The following SUPT3H variants were observed in gnomAD, a reference collection of about 807,000 sequenced individuals.
The protein encoded by SUPT3H is transcription initiation protein SPT3 homolog.
In SUPT3H, 44 loss-of-function variants were observed where a neutral mutation model predicts 44.3. The observed-to-expected ratio is 0.99, with a 90% CI of 0.78 to 1.28. The LOEUF (loss-of-function observed/expected upper bound fraction) is 1.28. SUPT3H is among the 50% of genes most tolerant of loss of function. The probability of loss-of-function intolerance (pLI) is 0.00; values close to 1 mark genes in which losing one functional copy is unlikely to be tolerated. For missense variants in SUPT3H, 380 were observed against 387.1 expected, an observed-to-expected ratio of 0.98 and a Z score of 0.15; for synonymous variants, 124 against 125.6, an observed-to-expected ratio of 0.99 and a Z score of 0.09.
At chr6:45,142,308 A>T (rs1805339744) in intron 2 of SUPT3H, among the ~76,000 whole-genome samples, 1 of 152,164 alleles carries the variant, frequency 6.6e-6, no homozygotes, top group South Asian at 2.1e-4. Context: ...TAAAGCATGA[A>T]TCTCACAGAG....
chr6:44,904,786 T>C (rs1218870471), intron 10 of SUPT3H, among the ~76,000 whole-genome samples: 1 of 152,178 alleles, frequency 6.6e-6, no homozygotes, highest in Admixed American at 6.5e-5. Context: ...AAGGCTACAG[T>C]AACCAAAACA....
chr6:44,888,383 C>T (rs146271312), intron 10 of SUPT3H, among the ~76,000 whole-genome samples: 18,274 of 151,938 alleles, frequency 0.12, 1,441 homozygotes, highest in East Asian at 0.27. Flanking sequence ...ACTGGCAAAC[C>T]GAATCCAGCA....
chr6:44,867,982 C>G (rs1181024688), intron 10 of SUPT3H, among the ~76,000 whole-genome samples: 1 of 144,936 alleles, frequency 6.9e-6, no homozygotes, highest in Non-Finnish European at 1.5e-5. Flanking sequence ...TTTTTTTCTC[C>G]CATGCTAACA....
intron 2 of SUPT3H, among the ~76,000 whole-genome samples, chr6:45,299,352 A>C (rs535340684): frequency 8.7e-5 from 13 of 149,460 alleles, no homozygotes; most frequent in Admixed American, 2.7e-4. Flanking sequence ...AAAAAAAAGA[A>C]TTGTATGAAG....
At chr6:45,376,024 G>A (rs1013078032) in intron 1 of SUPT3H, among the ~76,000 whole-genome samples, 2 of 152,114 alleles carry the variant, frequency 1.3e-5, no homozygotes, top group African/African-American at 2.4e-5. Context: ...AATAAGAGCT[G>A]GAAACTTCTC....
At position 45,269,060 on chromosome 6, in the gene SUPT3H, T is replaced by G. The variant is rs55775000; in HGVS notation, c.101+96141A>C. ...ACCTAGAAAGCCAAATAAGTAAAGC[T>G]TGGGTATATCATACTCCAATCACCA... is the stretch of plus-strand genomic sequence containing the variant. On this transcript the variant is annotated intron_variant, in intron 2 of 10. Transcript: ENST00000371459. Among the ~76,000 whole-genome samples the G allele has an allele frequency of 6.0e-3, 914 of 152,268 alleles. 14 individuals are homozygous for G. The highest frequency in any genetic ancestry group is 0.021 in the African/African-American group (872 of 41,558).
chr6:45,376,747 C>T (rs1582034565), intron 1 of SUPT3H, among the ~76,000 whole-genome samples: 1 of 152,316 alleles, frequency 6.6e-6, no homozygotes, highest in East Asian at 1.9e-4. Flanking sequence ...AGAAATTCCC[C>T]AAGTTTTGTC....
intron 2 of SUPT3H, among the ~76,000 whole-genome samples, chr6:45,315,475 T>C (rs761582284): frequency 3.3e-5 from 5 of 152,022 alleles, no homozygotes; most frequent in Non-Finnish European, 5.9e-5. Flanking sequence ...AGGACATGAA[T>C]AGACAACTCT....
chr6:44,894,693 T>G (rs1763843752), intron 10 of SUPT3H, among the ~76,000 whole-genome samples: 1 of 152,116 alleles, frequency 6.6e-6, no homozygotes, highest in Non-Finnish European at 1.5e-5. Flanking sequence ...TAGGATTGAC[T>G]TGGTGATGCG....
At chr6:45,255,309 T>C (rs1773165831) in intron 2 of SUPT3H, among the ~76,000 whole-genome samples, 1 of 152,114 alleles carries the variant, frequency 6.6e-6, no homozygotes, top group Non-Finnish European at 1.5e-5. Flanking sequence ...GGGCTATAAT[T>C]AATTTTTACC....
In SUPT3H at chr6:45,123,926, G is replaced by GT. The variant is rs567961906; in HGVS notation, c.102-17921dup. Among the ~76,000 whole-genome samples, 594 of 152,110 alleles carry GT rather than the reference G, an allele frequency of 3.9e-3. 7 individuals are homozygous for GT. The highest frequency in any genetic ancestry group is 0.014 in the African/African-American group (566 of 41,488). ...TCTCATGAAATACTACTCATCTTTT[G>GT]TTTTTTTCCCCAACCATTTAAAAAT... On this transcript the variant is annotated intron_variant, in intron 2 of 10. Transcript: ENST00000371459.
rs554370925 is a variant in SUPT3H, at chr6:45,349,701, T to C, written c.101+15500A>G. ...TTTGCTGCTCTTTATATTTCATCAT[T>C]AAAATTATATTATTTCAATATAGTC... On this transcript the variant is annotated intron_variant, in intron 2 of 10. Coordinates refer to ENST00000371459, the MANE Select transcript of SUPT3H (RefSeq NM_003599.4). Among the ~76,000 whole-genome samples, 5 of 152,366 alleles carry C rather than the reference T, an allele frequency of 3.3e-5. No homozygotes were observed. The South Asian group carries it at 1.0e-3, about 32-fold the overall frequency.
chr6:44,953,981 AC>A (rs1774715917), intron 8 of SUPT3H, among the ~76,000 whole-genome samples: 2 of 151,914 alleles, frequency 1.3e-5, no homozygotes, highest in South Asian at 4.1e-4. Context: ...CAGGTGATCC[AC>A]CCACCTCGGC....
intron 2 of SUPT3H, among the ~76,000 whole-genome samples, chr6:45,171,917 C>T (rs1469303847): frequency 4.0e-5 from 6 of 151,404 alleles, no homozygotes; most frequent in African/African-American, 1.5e-4. Flanking sequence ...AGGGTTTCAC[C>T]ATGGTGGCCT....
intron 2 of SUPT3H, among the ~76,000 whole-genome samples, chr6:45,309,248 A>T (rs560350982): frequency 6.6e-6 from 1 of 152,012 alleles, no homozygotes; most frequent in African/African-American, 2.4e-5. Flanking sequence ...CAGAATAATC[A>T]TTTTAAGTGA....
chr6:45,037,374 C>T (rs1444660078), intron 3 of SUPT3H, among the ~76,000 whole-genome samples: 2 of 151,384 alleles, frequency 1.3e-5, no homozygotes, highest in South Asian at 2.1e-4. Flanking sequence ...TATGGCAGGG[C>T]GCAGTGGCTC....
intron 2 of SUPT3H, among the ~76,000 whole-genome samples, chr6:45,108,718 C>T (rs2153572805): frequency 6.6e-6 from 1 of 152,196 alleles, no homozygotes; most frequent in African/African-American, 2.4e-5. Context: ...TGCTAAGACC[C>T]TACAGGAAAC....
At chr6:44,959,314 C>A in intron 7 of SUPT3H, among the ~76,000 whole-genome samples, 1 of 151,546 alleles carries the variant, frequency 6.6e-6, no homozygotes, top group Non-Finnish European at 1.5e-5. Context: ...TGAAGAAAAC[C>A]CAATCAATCT....
intron 10 of SUPT3H, among the ~76,000 whole-genome samples, chr6:44,902,892 A>G (rs1473458513): frequency 1.3e-5 from 2 of 152,226 alleles, no homozygotes; most frequent in Admixed American, 1.3e-4. Flanking sequence ...AGAACTGCTC[A>G]ACTACATGGA....
Sources: gnomAD v4.1 joint callset for allele counts (sites outside exome capture counted in the v4.1 genomes callset) on GRCh38, gnomAD v4.1.1 for gene constraint, MANE v1.5 for transcripts, NCBI Gene and HGNC (gene_info 2026-07-23, HGNC 2026-07-21) for gene names.